The following GALNT17 variants were observed in gnomAD, a reference collection of about 807,000 sequenced individuals.
The protein encoded by GALNT17 is polypeptide N-acetylgalactosaminyltransferase 17, also known as UDP-GalNAc:polypeptide N-acetylgalactosaminyltransferase-like 3.
GALNT17 carries 29 observed loss-of-function variants against 63.7 expected under a neutral mutation model. The observed-to-expected ratio is 0.46, with a 90% CI of 0.34 to 0.62. GALNT17 has a LOEUF of 0.62. GALNT17 is among the 20% of genes least tolerant of loss of function. The probability of loss-of-function intolerance (pLI) is 0.01; values close to 1 mark genes in which losing one functional copy is unlikely to be tolerated. For missense variants in GALNT17, 603 were observed against 799.6 expected (o/e 0.75, Z 2.97); for synonymous variants, 305 against 318.3 (o/e 0.96, Z 0.45).
intron 1 of GALNT17, among the ~76,000 whole-genome samples, chr7:71,329,102 A>G (rs911199927): frequency 6.6e-6 from 1 of 152,192 alleles, no homozygotes; most frequent in Non-Finnish European, 1.5e-5. Context: ...GAAAAAGACA[A>G]GCCAACCCAA....
chr7:71,679,954 TCTCTTCCTCCCTCCCG>T (rs1180187558), intron 9 of GALNT17, among the ~76,000 whole-genome samples: 13 of 10,936 alleles, frequency 1.2e-3, no homozygotes, highest in African/African-American at 6.3e-3. Flanking sequence ...CCTCCCTCCC[TCTCTTCCTCCCTCCCG>T]CTCTCTCTTC....
In GALNT17 at chr7:71,710,744, C is replaced by T; in HGVS notation, c.1501-17C>T. On this transcript the variant is annotated splice_polypyrimidine_tract_variant and intron_variant, in intron 9 of 10. Transcript: ENST00000333538. ...GCCTCCCACTTCCATTCCCCTGCTG[C>T]TCTGGTCTCTCGACAGCTTGCCCGC... is the stretch of plus-strand genomic sequence containing the variant. 1 of 1,611,034 alleles carries T rather than the reference C, an allele frequency of 6.2e-7. No homozygotes were observed. The highest frequency in any genetic ancestry group is 8.5e-7 in the Non-Finnish European group (1 of 1,179,582).
intron 2 of GALNT17, among the ~76,000 whole-genome samples, chr7:71,367,671 C>T (rs1488779929): frequency 6.6e-6 from 1 of 152,156 alleles, no homozygotes; most frequent in East Asian, 1.9e-4. Flanking sequence ...GACGAGTCCA[C>T]CAGCTCCTTT....
At chr7:71,553,211 C>T (rs886176052) in intron 5 of GALNT17, among the ~76,000 whole-genome samples, 1 of 151,918 alleles carries the variant, frequency 6.6e-6, no homozygotes, top group Non-Finnish European at 1.5e-5. Flanking sequence ...CCTGTAGTCC[C>T]GGCTACTTTG....
At chr7:71,324,272 C>T (rs1025678327) in intron 1 of GALNT17, among the ~76,000 whole-genome samples, 4 of 152,132 alleles carry the variant, frequency 2.6e-5, no homozygotes, top group African/African-American at 7.2e-5. Flanking sequence ...CCTGCAATAA[C>T]TCAAGTAAGC....
chr7:71,330,776 A>C (rs566066810), intron 1 of GALNT17, among the ~76,000 whole-genome samples: 9 of 152,316 alleles, frequency 5.9e-5, no homozygotes, highest in African/African-American at 2.2e-4. Context: ...CAAATATAGC[A>C]TAACTGAGAG....
chr7:71,350,521 A>T (rs1192134085), intron 2 of GALNT17, among the ~76,000 whole-genome samples: 5 of 152,232 alleles, frequency 3.3e-5, no homozygotes, highest in African/African-American at 4.8e-5. Context: ...AAAATAAAAA[A>T]TAGCAATACG....
At chr7:71,509,369 G>A (rs966650954) in intron 5 of GALNT17, among the ~76,000 whole-genome samples, 4 of 152,150 alleles carry the variant, frequency 2.6e-5, no homozygotes, top group Non-Finnish European at 4.4e-5. Context: ...GCTTAGGATG[G>A]GTGTATGGGG....
At chr7:71,137,166 G>T (rs1787800003) in intron 1 of GALNT17, among the ~76,000 whole-genome samples, 1 of 139,300 alleles carries the variant, frequency 7.2e-6, no homozygotes, top group Non-Finnish European at 1.5e-5. Flanking sequence ...TTGAGACAGA[G>T]TCTTGCTCTG....
In GALNT17 at chr7:71,146,612, G is replaced by C. The variant is rs760329073; in HGVS notation, c.238+13572G>C. On this transcript the variant is annotated intron_variant, in intron 1 of 10. Transcript: ENST00000333538. ...TCCCTCCCTTCTCCCTCCCTCCCTC[G>C]CCGCCATCCTCCCTTCCACAGCACT... 3.3e-5 allele frequency among the ~76,000 whole-genome samples: 5 copies of C among 151,824 alleles called. No individual in the cohort carries two copies. In the South Asian group the frequency reaches 1.0e-3, roughly 32 times the overall value.
chr7:71,377,574 C>A (rs117053837), intron 2 of GALNT17, among the ~76,000 whole-genome samples: 1,794 of 152,200 alleles, frequency 0.012, 19 homozygotes, highest in Non-Finnish European at 0.019. Flanking sequence ...GGTATGAATT[C>A]TCTCCCCAGC....
intron 1 of GALNT17, among the ~76,000 whole-genome samples, chr7:71,269,593 T>C (rs1790550017): frequency 1.3e-5 from 2 of 152,052 alleles, no homozygotes; most frequent in South Asian, 4.1e-4. Context: ...CCACTGCTCA[T>C]CTGTCTGCAG....
At position 71,248,159 on chromosome 7, in the gene GALNT17, A is replaced by G. The variant is rs531189648; in HGVS notation, c.239-87391A>G. Among the ~76,000 whole-genome samples, 168 of 152,336 alleles carry G rather than the reference A, an allele frequency of 1.1e-3. 1 individual carries two copies. The highest frequency in any genetic ancestry group is 6.8e-3 in the Middle Eastern group (2 of 294). On this transcript the variant is annotated intron_variant, in intron 1 of 10. Coordinates refer to ENST00000333538, the MANE Select transcript of GALNT17 (RefSeq NM_022479.3). ...GGTGGAAGGTGAAGGAGAAGCAAGT[A>G]TCTTCTTCACAAGGTGGCAGAAAAG... is the stretch of plus-strand genomic sequence containing the variant.
rs559660741 is a variant in GALNT17, at chr7:71,380,446, C to A, written c.423-7789C>A. 2.0e-5 allele frequency among the ~76,000 whole-genome samples: 3 copies of A among 152,020 alleles called. No individual in the cohort carries two copies. The East Asian group carries it at 5.8e-4, about 30-fold the overall frequency. ...GAACTCCTGGGCTCAAGCCATCCTC[C>A]TGTCTCAGCCTCCTCAGTAGCCAAC... On this transcript the variant is annotated intron_variant, in intron 2 of 10. Coordinates refer to ENST00000333538, the MANE Select transcript of GALNT17 (RefSeq NM_022479.3).
At chr7:71,470,167 C>T (rs1391652102) in intron 5 of GALNT17, among the ~76,000 whole-genome samples, 2 of 152,158 alleles carry the variant, frequency 1.3e-5, no homozygotes, top group Non-Finnish European at 2.9e-5. Flanking sequence ...CAAGATCACA[C>T]CACTGCACTG....
At chr7:71,135,442 A>T (rs1381566897) in intron 1 of GALNT17, among the ~76,000 whole-genome samples, 1 of 152,112 alleles carries the variant, frequency 6.6e-6, no homozygotes, top group Non-Finnish European at 1.5e-5. Context: ...GACTTGCGAG[A>T]TGGGTGCTCT....
intron 1 of GALNT17, among the ~76,000 whole-genome samples, chr7:71,215,430 C>T (rs935033321): frequency 5.3e-5 from 8 of 152,056 alleles, no homozygotes; most frequent in Non-Finnish European, 1.2e-4. Context: ...CCTGATGTAA[C>T]TGTTACTCTA....
In GALNT17 at chr7:71,614,432, C is replaced by T. The variant is rs75336022; in HGVS notation, c.1080+43030C>T. Among the ~76,000 whole-genome samples, 73 of 152,252 alleles carry T rather than the reference C, an allele frequency of 4.8e-4. No homozygotes were observed. The East Asian group carries it at 0.014, about 29-fold the overall frequency. ...GAAATGCTTCTGAGGAGTTGCAGAT[C>T]AGCCTAGGTAACATAGCAAGATCTC... On this transcript the variant is annotated intron_variant, in intron 6 of 10. Transcript: ENST00000333538.
chr7:71,311,493 G>C (rs1054011779), intron 1 of GALNT17, among the ~76,000 whole-genome samples: 6 of 152,084 alleles, frequency 3.9e-5, no homozygotes, highest in Admixed American at 3.9e-4. Context: ...TAAATTAATG[G>C]GGCATTGTGG....
Sources: gnomAD v4.1 joint callset for allele counts (sites outside exome capture counted in the v4.1 genomes callset) on GRCh38, gnomAD v4.1.1 for gene constraint, MANE v1.5 for transcripts, NCBI Gene and HGNC (gene_info 2026-07-23, HGNC 2026-07-21) for gene names.